The following IL2RA variants were observed in gnomAD, a reference collection of about 807,000 sequenced individuals.
IL2RA encodes interleukin-2 receptor subunit alpha.
IL2RA carries 24 observed loss-of-function variants against 37.8 expected under a neutral mutation model. The observed-to-expected ratio is 0.63, with a 90% CI of 0.46 to 0.89. The LOEUF (loss-of-function observed/expected upper bound fraction) is 0.89, where lower values mean the gene tolerates loss of function less well. IL2RA is among the 40% of genes least tolerant of loss of function. The pLI, the probability that IL2RA is intolerant of heterozygous loss-of-function variation, is 0.00. For synonymous variants in IL2RA, 125 were observed against 114.6 expected (o/e 1.09, Z -0.58); for missense variants, 319 against 348.6 (o/e 0.92, Z 0.68).
chr10:6,050,668 G>C (rs1485178669), intron 1 of IL2RA, among the ~76,000 whole-genome samples: 1 of 152,136 alleles, frequency 6.6e-6, no homozygotes, highest in African/African-American at 2.4e-5. Context: ...TGGGGTGGGG[G>C]AATAGTGCTA....
rs1439503359 is a variant in IL2RA, at chr10:6,029,094, A to G, written c.65-3069T>C. 6.6e-6 allele frequency among the ~76,000 whole-genome samples: 1 copy of G among 151,960 alleles called. No homozygotes were observed. The highest frequency in any genetic ancestry group is 1.5e-5 in the Non-Finnish European group (1 of 67,990). On this transcript the variant is annotated intron_variant, in intron 1 of 7. Coordinates refer to ENST00000379959, the MANE Select transcript of IL2RA (RefSeq NM_000417.3). This position sits in a 1 kb window ranked among gnomAD's most constrained non-coding sequence, Gnocchi z 4.6. Reference sequence around the variant, plus strand: ...CACTCAATGACTTAAAGCAGAGGTCAGTAAACTATGACCTGCAGATTTGCT... The same window carrying G: ...CACTCAATGACTTAAAGCAGAGGTCGGTAAACTATGACCTGCAGATTTGCT...
intron 1 of IL2RA, among the ~76,000 whole-genome samples, chr10:6,030,203 G>A (rs554679791): frequency 2.6e-5 from 4 of 152,218 alleles, no homozygotes; most frequent in African/African-American, 9.6e-5. Flanking sequence ...TGATAGAGAA[G>A]AGAAAGAATG....
chr10:6,027,665 C>T (rs1839507608), intron 1 of IL2RA, among the ~76,000 whole-genome samples: 1 of 152,120 alleles, frequency 6.6e-6, no homozygotes, highest in Non-Finnish European at 1.5e-5. Context: ...TTGAAGAAAG[C>T]CTGGAAAATA....
rs941827325 is a variant in IL2RA at position 6,015,533 on chromosome 10, T to C, written c.794+2520A>G. ...ACGACTGCGTCAGAAACTCCACAGG[T>C]GGGACCCAGCAATCTGTGCTTTAAC... On this transcript the variant is annotated intron_variant, in intron 7 of 7. Transcript: ENST00000379959. This position sits in a 1 kb window ranked among gnomAD's most constrained non-coding sequence, Gnocchi z 4.9. Among the ~76,000 whole-genome samples the C allele has an allele frequency of 1.3e-5, 2 of 152,204 alleles. No individual in the cohort carries two copies. Among genetic ancestry groups the C allele is most frequent in the African/African-American group, 4.8e-5 (2 of 41,448 alleles).
intron 1 of IL2RA, among the ~76,000 whole-genome samples, chr10:6,050,635 C>T (rs1230190098): frequency 6.6e-6 from 1 of 152,118 alleles, no homozygotes; most frequent in Non-Finnish European, 1.5e-5. Context: ...CAGAGTGAGA[C>T]TCTGTCTCAA....
rs1324680253 is a variant in IL2RA at position 6,044,646 on chromosome 10, T to C, written c.64+17442A>G. ...CGATGTCTGAGCCCTGCCTCGGGGG[T>C]TGAGTCCCAACTTCTACCTCAGTAG... On this transcript the variant is annotated intron_variant, in intron 1 of 7. Coordinates refer to ENST00000379959, the MANE Select transcript of IL2RA (RefSeq NM_000417.3). This position sits in a 1 kb window ranked among gnomAD's most constrained non-coding sequence, Gnocchi z 4.5. Among the ~76,000 whole-genome samples, 4 of 152,112 alleles carry C rather than the reference T, an allele frequency of 2.6e-5. No individual in the cohort carries two copies. The highest frequency in any genetic ancestry group is 1.5e-5 in the Non-Finnish European group (1 of 68,022).
chr10:6,017,249 G>C (rs1839293487), intron 7 of IL2RA: 1 of 152,332 alleles, frequency 6.6e-6, no homozygotes, highest in South Asian at 2.1e-4. Context: ...TTACATTCCT[G>C]GTCAAGGGGA....
In IL2RA at chr10:6,028,817, G is replaced by T. The variant is rs1352427168; in HGVS notation, c.65-2792C>A. On this transcript the variant is annotated intron_variant, in intron 1 of 7. Transcript: ENST00000379959. The surrounding 1 kb of genome is among the most constrained non-coding windows in gnomAD (Gnocchi z 4.1). ...GTTCCAGACCAGCCTGGCCAGCATG[G>T]TGACATCCCATCTATACTAAAAATA... Among the ~76,000 whole-genome samples, 1 of 152,112 alleles carries T rather than the reference G, an allele frequency of 6.6e-6. No individual in the cohort carries two copies. The highest frequency in any genetic ancestry group is 1.9e-4 in the East Asian group (1 of 5,188).
intron 1 of IL2RA, among the ~76,000 whole-genome samples, chr10:6,030,272 T>C (rs537777493): frequency 8.9e-4 from 135 of 152,338 alleles, no homozygotes; most frequent in African/African-American, 3.1e-3. Context: ...TGATGACAGA[T>C]ACTGATTTAC....
intron 1 of IL2RA, among the ~76,000 whole-genome samples, chr10:6,060,569 A>G (rs1360144645): frequency 2.0e-5 from 3 of 152,184 alleles, no homozygotes; most frequent in Non-Finnish European, 2.9e-5. Context: ...AGCCTGACCA[A>G]TATGGTGAAA....
chr10:6,037,277 G>A (rs1839702876), intron 1 of IL2RA, among the ~76,000 whole-genome samples: 1 of 152,154 alleles, frequency 6.6e-6, no homozygotes, highest in Admixed American at 6.5e-5. Flanking sequence ...GATGTTCAAA[G>A]TAAGAGAAAA....
intron 1 of IL2RA, among the ~76,000 whole-genome samples, chr10:6,052,453 A>C (rs918908437): frequency 6.6e-6 from 1 of 152,210 alleles, no homozygotes; most frequent in East Asian, 1.9e-4. Flanking sequence ...CAGTTCCTCA[A>C]TGAACATTTG....
chr10:6,020,023 C>A lies in IL2RA; in HGVS notation c.584-82G>T. Reference sequence around the variant, plus strand: ...TCCCACCCCGCCTGCCCCAGGCAGCCGGCCCCAGACACGCCCGAGGAGGCA... The same window carrying A: ...TCCCACCCCGCCTGCCCCAGGCAGCAGGCCCCAGACACGCCCGAGGAGGCA... On this transcript the variant is annotated intron_variant, in intron 4 of 7. Coordinates refer to ENST00000379959, the MANE Select transcript of IL2RA (RefSeq NM_000417.3). The surrounding 1 kb of genome is among the most constrained non-coding windows in gnomAD (Gnocchi z 5.6). 8.4e-7 allele frequency: 1 copy of A among 1,197,446 alleles called. No individual in the cohort carries two copies. The highest frequency in any genetic ancestry group is 1.2e-6 in the Non-Finnish European group (1 of 802,932). The allele number at this position is 1,197,446 out of a possible 1,614,324, so 74.2% of individuals were successfully genotyped here. A position where few individuals can be genotyped will look rare whatever the true frequency, so the allele number is the denominator to read the frequency against.
At position 6,021,639 on chromosome 10, in the gene IL2RA, T is replaced by G. The variant is rs1196655587; in HGVS notation, c.422A>C (p.His141Pro). Residue 141 changes from histidine (H) to proline (P), a missense_variant, in exon 4 of 8, where the codon CAT (histidine) becomes CCT (proline). By Grantham distance (77) the His-to-Pro change is moderately conservative (BLOSUM62 -2). Coordinates refer to ENST00000379959, the MANE Select transcript of IL2RA (RefSeq NM_000417.3). The surrounding 1 kb of genome is among the most constrained non-coding windows in gnomAD (Gnocchi z 4.9). Reference sequence around the variant, plus strand: ...ATAAACCATCTGCCCCACCACGAAATGATAAATTCTCTCTGTGGCTTCATT... The same window carrying G: ...ATAAACCATCTGCCCCACCACGAAAGGATAAATTCTCTCTGTGGCTTCATT... The part of the protein sequence containing the change: ...WENEATERIY[H>P]FVVGQMVYYQ... The G allele has an allele frequency of 6.2e-7, 1 of 1,613,938 alleles. No individual in the cohort carries two copies. The highest frequency in any genetic ancestry group is 2.2e-5 in the East Asian group (1 of 44,884).
Position 6,028,315 on chromosome 10 carries a change from C to A in IL2RA, c.65-2290G>T, listed in dbSNP as rs1286513663. Among the ~76,000 whole-genome samples, 1 of 152,174 alleles carries A rather than the reference C, an allele frequency of 6.6e-6. No individual in the cohort carries two copies. The highest frequency in any genetic ancestry group is 1.5e-5 in the Non-Finnish European group (1 of 68,036). On this transcript the variant is annotated intron_variant, in intron 1 of 7. Coordinates refer to ENST00000379959, the MANE Select transcript of IL2RA (RefSeq NM_000417.3). This position sits in a 1 kb window ranked among gnomAD's most constrained non-coding sequence, Gnocchi z 4.1. ...TGGTCTGAACCTGAACAGGGCAGAACTCAGTGAAACTTAGCCCTGATTGTC... is the reference window on the plus strand; with the variant it reads ...TGGTCTGAACCTGAACAGGGCAGAAATCAGTGAAACTTAGCCCTGATTGTC...
intron 1 of IL2RA, among the ~76,000 whole-genome samples, chr10:6,051,506 TATA>T (rs1839955846): frequency 9.3e-6 from 1 of 107,342 alleles, no homozygotes; most frequent in African/African-American, 3.5e-5. Flanking sequence ...TATATATATA[TATA>T]TATATATATT....
intron 1 of IL2RA, among the ~76,000 whole-genome samples, chr10:6,053,650 T>C (rs535274462): frequency 1.3e-5 from 2 of 152,340 alleles, no homozygotes; most frequent in East Asian, 3.9e-4. Context: ...AACTTCCTTA[T>C]TTAAAATTAA....
At position 6,025,213 on chromosome 10, in the gene IL2RA, G is replaced by T. The variant is rs1839460069; in HGVS notation, c.256+621C>A. Among the ~76,000 whole-genome samples, 1 of 151,946 alleles carries T rather than the reference G, an allele frequency of 6.6e-6. No individual in the cohort carries two copies. Among genetic ancestry groups the T allele is most frequent in the Non-Finnish European group, 1.5e-5 (1 of 67,978 alleles). ...TGCTAAAAATAAAAAAATTAGCCAG[G>T]CATGGTGGTGCACACCTGTAGTCCC... On this transcript the variant is annotated intron_variant, in intron 2 of 7. Transcript: ENST00000379959. This position sits in a 1 kb window ranked among gnomAD's most constrained non-coding sequence, Gnocchi z 4.4.
At chr10:6,053,596 T>C (rs754253462) in intron 1 of IL2RA, among the ~76,000 whole-genome samples, 3 of 152,250 alleles carry the variant, frequency 2.0e-5, no homozygotes, top group Non-Finnish European at 4.4e-5. Context: ...GAGACTGTCC[T>C]ATTTTCCACG....
Sources: allele counts gnomAD v4.1 joint callset (sites outside exome capture counted in the v4.1 genomes callset), GRCh38; gene constraint gnomAD v4.1.1; non-coding constraint Gnocchi (gnomAD v3.1); transcripts MANE v1.5; gene names NCBI Gene and HGNC (gene_info 2026-07-23, HGNC 2026-07-21).